The following USP42 variants were observed in gnomAD, a reference collection of about 807,000 sequenced individuals.
USP42 encodes ubiquitin carboxyl-terminal hydrolase 42.
In USP42, 23 loss-of-function variants were observed where a neutral mutation model predicts 113.0. The observed-to-expected ratio is 0.20, with a 90% confidence interval of 0.15 to 0.29. The LOEUF is 0.29. Among genes scored for constraint, USP42 ranks in the 10% least tolerant of loss-of-function variants. USP42 has a pLI of 1.00. For missense variants in USP42, 2,174 were observed against 1,779.8 expected, an observed-to-expected ratio of 1.22 and a Z score of -3.99; for synonymous variants, 933 against 699.0, an observed-to-expected ratio of 1.33 and a Z score of -5.28.
chr7:6,145,048 G>C (rs900167719), intron 9 of USP42, among the ~76,000 whole-genome samples: 2 of 152,106 alleles, frequency 1.3e-5, no homozygotes, highest in African/African-American at 4.8e-5. Flanking sequence ...TTGAAAGGTG[G>C]CTAGGCCAGG....
intron 3 of USP42, 70 bp downstream of exon 3, chr7:6,115,593 A>G (rs1779867222): frequency 6.5e-7 from 1 of 1,538,298 alleles, no homozygotes; most frequent in Non-Finnish European, 8.9e-7. Flanking sequence ...CTCTGAAATG[A>G]AAGTGAAGAA....
Position 6,153,808 on chromosome 7 carries a change from C to A in USP42, c.2254C>A (p.Pro752Thr). ...CGAGGACCGCGACGCCGAGCCTCAGCCTGGCAGCCCCGCCGCCGAATCCCT... is the reference window on the plus strand; with the variant it reads ...CGAGGACCGCGACGCCGAGCCTCAGACTGGCAGCCCCGCCGCCGAATCCCT... ...PPEDRDAEPQ[P>T]GSPAAESLEE... The change falls in exon 15 of 18, where the codon CCT becomes ACT. Residue 752 changes from proline to threonine, a missense_variant. Coordinates refer to ENST00000306177, the MANE Select transcript of USP42 (RefSeq NM_032172.3). The A allele has an allele frequency of 1.3e-6, 2 of 1,523,150 alleles. No individual in the cohort carries two copies. The highest frequency in any genetic ancestry group is 2.4e-5 in the South Asian group (2 of 81,706). 94.4% of individuals were successfully genotyped at this position (1,523,150 alleles called of 1,614,324 possible).
chr7:6,147,559 C>T (rs1281833459), intron 11 of USP42, among the ~76,000 whole-genome samples, 180 bp from the exon 12 acceptor site: 2 of 152,254 alleles, frequency 1.3e-5, no homozygotes, highest in African/African-American at 4.8e-5. Context: ...GTCTCCTGAT[C>T]TGAGTGCCTG....
Position 6,140,205 on chromosome 7 carries a change from TG to T in USP42, c.724+11del. On this transcript the variant is annotated intron_variant, in intron 6 of 17. Transcript: ENST00000306177. ...TACCTAAGATCTAGAGGTAAGCTTT[TG>T]CTTATAAGTTGATAAAATGATACAC... 1 of 1,609,490 alleles carries T rather than the reference TG, an allele frequency of 6.2e-7. No homozygotes were observed. Among genetic ancestry groups the T allele is most frequent in the South Asian group, 1.1e-5 (1 of 90,934 alleles).
At chr7:6,083,587 T>C in the USP42 span, among the ~76,000 whole-genome samples, 2 of 150,448 alleles carry the variant, frequency 1.3e-5, no homozygotes, top group African/African-American at 2.5e-5. Flanking sequence ...TATACATATA[T>C]ATACACACAC....
rs1429776134 is a variant in USP42 at position 6,154,996 on chromosome 7, T to C, written c.3442T>C (p.Ser1148Pro). Residue 1148 changes from serine (S) to proline (P), a missense_variant, in exon 15 of 18, where the codon TCT becomes CCT. Transcript: ENST00000306177. ...ALVAGDNCNL[S>P]DRFHEHENGK... is the part of the protein sequence containing the mutation. ...TGTAGCCGGAGACAACTGTAACCTC[T>C]CTGATCGGTTTCACGAACACGAAAA... 1.9e-6 allele frequency: 3 copies of C among 1,564,182 alleles called. No individual in the cohort carries two copies. The highest frequency in any genetic ancestry group is 2.6e-6 in the Non-Finnish European group (3 of 1,154,092).
At chr7:6,089,596 G>C in the USP42 span, among the ~76,000 whole-genome samples, 1 of 147,304 alleles carries the variant, frequency 6.8e-6, no homozygotes, top group Non-Finnish European at 1.5e-5. Flanking sequence ...GCAAGGGTGC[G>C]ATCTCGGCTC....
rs1352089633 is a variant in USP42, at chr7:6,154,558, C to G, written c.3004C>G (p.His1002Asp). 17 of 1,551,006 alleles carry G rather than the reference C, an allele frequency of 1.1e-5. No individual in the cohort carries two copies. The highest frequency in any genetic ancestry group is 8.7e-7 in the Non-Finnish European group (1 of 1,149,736). Residue 1002 changes from histidine (H) to aspartate (D), a missense_variant, in exon 15 of 18, where the codon CAC becomes GAC. Transcript: ENST00000306177. ...DRHAPEHHPG[H>D]GDRLSPGERR... is the part of the protein sequence containing the mutation. The stretch of plus-strand genomic sequence containing the variant: ...CCACGCCCCGGAGCACCACCCCGGC[C>G]ACGGCGACAGGCTCAGCCCTGGCGA...
At chr7:6,141,738 TC>T in intron 7 of USP42, among the ~76,000 whole-genome samples, 3 of 152,230 alleles carry the variant, frequency 2.0e-5, no homozygotes, top group Middle Eastern at 6.8e-3. Context: ...TTTTCTGAAT[TC>T]CTAATTTTTT....
intron 7 of USP42, 130 bp from the exon 8 acceptor site, chr7:6,142,802 T>C: frequency 1.3e-6 from 1 of 750,988 alleles, no homozygotes; most frequent in Non-Finnish European, 2.2e-6. Flanking sequence ...GAGGATTGCT[T>C]GAGCCCAGGA....
chr7:6,081,325 C>T, the USP42 span: 1 of 139,060 alleles, frequency 7.2e-6, no homozygotes, highest in African/African-American at 2.7e-5. Context: ...ACCTAGATCC[C>T]CACCGGTCCC....
intron 3 of USP42, among the ~76,000 whole-genome samples, chr7:6,119,302 G>A (rs28575447): frequency 0.065 from 9,831 of 152,032 alleles, 497 homozygotes; most frequent in African/African-American, 0.13. Context: ...GTGAGACCTC[G>A]TCTTTACAAA....
At chr7:6,121,282 C>G (rs1490539769) in intron 3 of USP42, among the ~76,000 whole-genome samples, 1 of 152,160 alleles carries the variant, frequency 6.6e-6, no homozygotes, top group Non-Finnish European at 1.5e-5. Flanking sequence ...GTAGGTTTTT[C>G]ATAGATGCCT....
chr7:6,154,598 G>T lies in USP42; in HGVS notation c.3044G>T (p.Gly1015Val). 6.3e-7 allele frequency: 1 copy of T among 1,582,458 alleles called. No homozygotes were observed. ...RLSPGERRSL[G>V]RCSHHHSRHR... Reference sequence around the variant, plus strand: ...AGCCCTGGCGAGCGCCGCTCTCTGGGCAGGTGCAGTCACCACCACTCCCGA... The same window carrying T: ...AGCCCTGGCGAGCGCCGCTCTCTGGTCAGGTGCAGTCACCACCACTCCCGA... Residue 1015 changes from glycine (G) to valine (V), a missense_variant, in exon 15 of 18, where the codon GGC (glycine) becomes GTC (valine). Transcript: ENST00000306177.
chr7:6,095,299 C>T, the USP42 span, among the ~76,000 whole-genome samples: 1 of 151,180 alleles, frequency 6.6e-6, no homozygotes, highest in South Asian at 2.1e-4. Context: ...GCTGCGTTAA[C>T]TTGGACTCTG....
At chr7:6,092,771 C>T in the USP42 span, among the ~76,000 whole-genome samples, 1 of 151,254 alleles carries the variant, frequency 6.6e-6, no homozygotes, top group African/African-American at 2.5e-5. Context: ...CCTGGCCAGC[C>T]ACAGTCTCAG....
intron 1 of USP42, among the ~76,000 whole-genome samples, chr7:6,109,611 C>G (rs750115455): frequency 4.0e-5 from 6 of 151,500 alleles, no homozygotes; most frequent in Admixed American, 3.3e-4. Flanking sequence ...CCAGGCTGGT[C>G]TCGAACTCCT....
In USP42 at chr7:6,160,841, T is replaced by C. The variant is rs1782733034; in HGVS notation, c.*323T>C. ...TGCTTAATTACAGACTCAGGTCGAT[T>C]ACTTGTATTTCATGTAATGTTCCTC... On this transcript the variant is annotated 3_prime_UTR_variant, in exon 18 of 18. Coordinates refer to ENST00000306177, the MANE Select transcript of USP42 (RefSeq NM_032172.3). The C allele has an allele frequency of 6.5e-6, 1 of 152,686 alleles. No homozygotes were observed. The highest frequency in any genetic ancestry group is 2.4e-5 in the African/African-American group (1 of 41,460). 9.5% of individuals were successfully genotyped at this position (152,686 alleles called of 1,614,324 possible).
At chr7:6,107,797 C>G (rs1779375139) in intron 1 of USP42, among the ~76,000 whole-genome samples, 1 of 152,058 alleles carries the variant, frequency 6.6e-6, no homozygotes, top group Non-Finnish European at 1.5e-5. Flanking sequence ...AAAATGTAAA[C>G]TGTATTTGGA....
Sources: gnomAD v4.1 joint callset for allele counts (sites outside exome capture counted in the v4.1 genomes callset) on GRCh38, gnomAD v4.1.1 for gene constraint, MANE v1.5 for transcripts, NCBI Gene and HGNC (gene_info 2026-07-23, HGNC 2026-07-21) for gene names.